SHISA9: variants seen among roughly 807,000 people sequenced by gnomAD.
The protein encoded by SHISA9 is shisa family member 9.
A neutral mutation model predicts 38.0 loss-of-function variants in SHISA9; 13 were observed. The ratio of observed to expected loss-of-function variants is 0.34; its 90% CI spans 0.22 to 0.54. The LOEUF is 0.54. Among genes scored for constraint, SHISA9 ranks in the 20% least tolerant of loss-of-function variants. The pLI, the probability that SHISA9 is intolerant of heterozygous loss-of-function variation, is 0.91. For synonymous variants in SHISA9, 275 were observed against 242.0 expected (o/e 1.14, Z -1.27); for missense variants, 538 against 575.8 (o/e 0.93, Z 0.67).
Position 12,989,181 on chromosome 16 carries a change from A to G in SHISA9, c.691+72366A>G, listed in dbSNP as rs186345094. On this transcript the variant is annotated intron_variant, in intron 2 of 4. Transcript: ENST00000558583. ...CTTTTACCACCTAAAGATAATGACA[A>G]TAGGAATTTGCTTTGTTTCCTTTTA... Among the ~76,000 whole-genome samples the G allele has an allele frequency of 1.8e-4, 27 of 151,932 alleles. No homozygotes were observed. In the East Asian group the frequency reaches 3.9e-3, roughly 22 times the overall value.
chr16:13,549,219 G>T, the SHISA9 span, among the ~76,000 whole-genome samples: 18,172 of 152,186 alleles, frequency 0.12, 1,227 homozygotes, highest in African/African-American at 0.17. Context: ...GGGAGTGTAG[G>T]AGGTTAGGGA....
intron 2 of SHISA9, among the ~76,000 whole-genome samples, chr16:12,967,911 CA>C (rs1277025468): frequency 6.6e-6 from 1 of 152,066 alleles, no homozygotes; most frequent in Non-Finnish European, 1.5e-5. Context: ...AGAGCTAAGC[CA>C]GGCATGGTGG....
the SHISA9 span, among the ~76,000 whole-genome samples, chr16:13,506,116 A>G: frequency 6.6e-6 from 1 of 152,254 alleles, no homozygotes; most frequent in East Asian, 1.9e-4. Context: ...GAAGCAAATA[A>G]GTAAATCCTT....
intron 2 of SHISA9, among the ~76,000 whole-genome samples, chr16:12,961,225 G>C (rs2071907575): frequency 6.6e-6 from 1 of 152,194 alleles, no homozygotes; most frequent in African/African-American, 2.4e-5. Flanking sequence ...TGAGTGGGGA[G>C]TGGCCTAGGG....
chr16:13,231,160 G>A (rs2051328176), intron 4 of SHISA9, among the ~76,000 whole-genome samples: 1 of 152,204 alleles, frequency 6.6e-6, no homozygotes, highest in Non-Finnish European at 1.5e-5. Context: ...TGTCCTGCAA[G>A]AGAAGAGGAG....
the SHISA9 span, among the ~76,000 whole-genome samples, chr16:13,345,601 A>T: frequency 3.0e-3 from 457 of 152,178 alleles, 4 homozygotes; most frequent in African/African-American, 0.011. Context: ...AGAATGATTT[A>T]TATTCTATTA....
At chr16:13,449,846 G>T in the SHISA9 span, among the ~76,000 whole-genome samples, 1 of 152,186 alleles carries the variant, frequency 6.6e-6, no homozygotes, top group African/African-American at 2.4e-5. Flanking sequence ...TCTGGGCGCT[G>T]TGGCTCATGC....
chr16:13,117,872 C>T (rs1334901035), intron 2 of SHISA9, among the ~76,000 whole-genome samples: 1 of 152,152 alleles, frequency 6.6e-6, no homozygotes, highest in Non-Finnish European at 1.5e-5. Context: ...TAGGTGCTTA[C>T]TGAAATGCCC....
intron 2 of SHISA9, among the ~76,000 whole-genome samples, chr16:13,027,429 A>G (rs1010214599): frequency 6.6e-6 from 1 of 152,154 alleles, no homozygotes; most frequent in Admixed American, 6.5e-5. Context: ...CAACCCAGCA[A>G]TTTTACTCCT....
the SHISA9 span, among the ~76,000 whole-genome samples, chr16:13,253,651 A>C: frequency 6.6e-6 from 1 of 152,148 alleles, no homozygotes. Context: ...GGAGGAAACC[A>C]CCCCATGATT....
rs573150081 is a variant in SHISA9 at position 12,970,678 on chromosome 16, T to TTTG, written c.691+53880_691+53882dup. On this transcript the variant is annotated intron_variant, in intron 2 of 4. Coordinates refer to ENST00000558583, the MANE Select transcript of SHISA9 (RefSeq NM_001145204.3). ...GGCACACACCACCACACCGGCTATT[T>TTTG]TTGTTGTTGTTGTTGTTGTATTTTT... Among the ~76,000 whole-genome samples, 432 of 148,278 alleles carry TTTG rather than the reference T, an allele frequency of 2.9e-3. 2 individuals are homozygous for TTTG. Among genetic ancestry groups the TTTG allele is most frequent in the Middle Eastern group, 3.5e-3 (1 of 288 alleles).
intron 2 of SHISA9, among the ~76,000 whole-genome samples, chr16:13,192,009 G>A (rs2050890066): frequency 6.6e-6 from 1 of 152,178 alleles, no homozygotes; most frequent in African/African-American, 2.4e-5. Flanking sequence ...TAAAGAAAAT[G>A]TGGTATATAC....
the SHISA9 span, among the ~76,000 whole-genome samples, chr16:13,476,643 G>C: frequency 6.6e-6 from 1 of 151,650 alleles, no homozygotes; most frequent in Non-Finnish European, 1.5e-5. Context: ...GACACCCAGG[G>C]ATCAGGACTC....
At chr16:13,541,196 G>A in the SHISA9 span, among the ~76,000 whole-genome samples, 2 of 152,160 alleles carry the variant, frequency 1.3e-5, no homozygotes, top group Non-Finnish European at 2.9e-5. Flanking sequence ...TGCTCAGAGA[G>A]TAAAGGTTAT....
chr16:13,058,607 A>G (rs956612274), intron 2 of SHISA9, among the ~76,000 whole-genome samples: 13 of 152,234 alleles, frequency 8.5e-5, no homozygotes, highest in African/African-American at 3.1e-4. Context: ...GAGCCACAAA[A>G]GTTCTCTTCT....
chr16:13,071,600 C>T (rs1442761859), intron 2 of SHISA9, among the ~76,000 whole-genome samples: 1 of 145,166 alleles, frequency 6.9e-6, no homozygotes, highest in Admixed American at 7.0e-5. Context: ...TTCCTTCCTT[C>T]CCTTTCTTCC....
intron 2 of SHISA9, among the ~76,000 whole-genome samples, chr16:13,007,276 G>A (rs1300910064): frequency 2.0e-5 from 3 of 152,036 alleles, no homozygotes; most frequent in Admixed American, 6.6e-5. Context: ...TCAGGAGTTG[G>A]CTCTTCCTAA....
chr16:13,228,889 G>A (rs2051304401), intron 4 of SHISA9, among the ~76,000 whole-genome samples: 1 of 152,084 alleles, frequency 6.6e-6, no homozygotes, highest in Non-Finnish European at 1.5e-5. Flanking sequence ...GGCCAGGTGT[G>A]GTGGCTCACA....
the SHISA9 span, among the ~76,000 whole-genome samples, chr16:13,487,130 A>T: frequency 9.9e-5 from 15 of 152,208 alleles, no homozygotes; most frequent in African/African-American, 3.4e-4. Flanking sequence ...TTGCTTGTAC[A>T]GTCATCCCTT....
Sources: gnomAD v4.1 joint callset for allele counts (sites outside exome capture counted in the v4.1 genomes callset) on GRCh38, gnomAD v4.1.1 for gene constraint, MANE v1.5 for transcripts, NCBI Gene and HGNC (gene_info 2026-07-23, HGNC 2026-07-21) for gene names.